Variants in TSBP1 observed in about 807,000 individuals in gnomAD.
The protein encoded by TSBP1 is testis expressed basic protein 1.
TSBP1 carries 56 observed loss-of-function variants against 68.8 expected under a neutral mutation model. The observed-to-expected ratio is 0.81, with a 90% CI of 0.66 to 1.02. The LOEUF is 1.02. Among genes scored for constraint, TSBP1 ranks in the 50% least tolerant of loss-of-function variants. The pLI, the probability that TSBP1 is intolerant of heterozygous loss-of-function variation, is 0.00. For synonymous variants in TSBP1, 171 were observed against 208.7 expected (o/e 0.82, Z 1.56); for missense variants, 502 against 641.2 (o/e 0.78, Z 2.34).
chr6:32,311,956 GC>G (rs752426173), intron 19 of TSBP1, among the ~76,000 whole-genome samples: 3 of 152,156 alleles, frequency 2.0e-5, no homozygotes, highest in Non-Finnish European at 2.9e-5. Context: ...AGTGGGCAGT[GC>G]AAAATACATC....
At chr6:32,355,550 A>G (rs1043702686) in intron 7 of TSBP1, 99 bp downstream of exon 7, 1 of 1,430,498 alleles carries the variant, frequency 7.0e-7, no homozygotes, top group African/African-American at 1.4e-5. Context: ...ATATGACTTG[A>G]CATATGACAG....
rs9268212 is a variant in TSBP1 at position 32,314,112 on chromosome 6, T to C, written c.580+1660A>G. Among the ~76,000 whole-genome samples the C allele has an allele frequency of 0.2, 30,942 of 152,038 alleles. 3,311 individuals are homozygous for C. Among genetic ancestry groups the C allele is most frequent in the Non-Finnish European group, 0.22 (14,613 of 67,964 alleles). On this transcript the variant is annotated intron_variant, in intron 19 of 22. Coordinates refer to ENST00000612031, the Ensembl canonical transcript of TSBP1. This position sits in a 1 kb window ranked among gnomAD's most constrained non-coding sequence, Gnocchi z 4.2. ...TTAGCTTTCCTTTCTTTATATGTGT[T>C]CCTATATTCCATTTCTGCTCCTTGG...
At chr6:32,310,726 A>C (rs1006031030) in intron 19 of TSBP1, among the ~76,000 whole-genome samples, 1 of 144,694 alleles carries the variant, frequency 6.9e-6, no homozygotes, top group South Asian at 2.3e-4. Context: ...TCTTCAAACT[A>C]TCTCTCAAAT....
chr6:32,318,100 A>G (rs1459700604), intron 18 of TSBP1, among the ~76,000 whole-genome samples: 1 of 152,228 alleles, frequency 6.6e-6, no homozygotes, highest in Non-Finnish European at 1.5e-5. Flanking sequence ...CATATACACC[A>G]TGTAATACCA....
chr6:32,356,844 C>T (rs374768567), intron 6 of TSBP1: 1 of 154,388 alleles, frequency 6.5e-6, no homozygotes, highest in Non-Finnish European at 1.5e-5. Flanking sequence ...AACTTTCATG[C>T]GCTGCACTTA....
intron 18 of TSBP1, among the ~76,000 whole-genome samples, chr6:32,317,471 G>A (rs543928): frequency 0.59 from 88,902 of 151,934 alleles, 26,268 homozygotes; most frequent in Middle Eastern, 0.66. Context: ...ATCTAATTGA[G>A]CTAAAGAGCT....
At chr6:32,356,959 G>A (rs1171598255) in intron 6 of TSBP1, 1 of 152,598 alleles carries the variant, frequency 6.6e-6, no homozygotes, top group Non-Finnish European at 1.5e-5. Flanking sequence ...TAAACTTTGA[G>A]TACTAAATTT....
chr6:32,293,270 G>GT lies in TSBP1; in HGVS notation c.1402dup (p.Thr468AsnfsTer10), dbSNP rs1764340570. 1 of 1,608,898 alleles carries GT rather than the reference G, an allele frequency of 6.2e-7. No homozygotes were observed. Among genetic ancestry groups the GT allele is most frequent in the Non-Finnish European group, 8.5e-7 (1 of 1,178,794 alleles). The stretch of plus-strand genomic sequence containing the variant: ...ACTCTTCTTTACTTGGGATTCCAGT[G>GT]TTTCTGGTACACTCACCTCAGTGTT... On this transcript the variant is annotated frameshift_variant, in exon 23 of 23. Transcript: ENST00000612031. LOFTEE classifies it low-confidence loss of function (END_TRUNC).
At chr6:32,367,796 A>C (rs1164870633) in intron 4 of TSBP1, 129 bp downstream of exon 4, 9 of 613,084 alleles carry the variant, frequency 1.5e-5, no homozygotes, top group Non-Finnish European at 2.5e-5. Context: ...AGGAGTGATA[A>C]GCATTTGAAT....
chr6:32,312,177 A>G (rs1042792474), intron 19 of TSBP1, among the ~76,000 whole-genome samples: 1 of 152,216 alleles, frequency 6.6e-6, no homozygotes. Context: ...TGTATTGTAC[A>G]AGACATTTGG....
intron 6 of TSBP1, chr6:32,356,814 C>A (rs1200711061): frequency 6.5e-6 from 1 of 154,290 alleles, no homozygotes; most frequent in Non-Finnish European, 1.5e-5. Context: ...TAATATGCTG[C>A]ACTTGAAATT....
chr6:32,322,988 T>A (rs1288485218), intron 18 of TSBP1, 129 bp downstream of exon 19: 35 of 643,416 alleles, frequency 5.4e-5, no homozygotes, highest in Non-Finnish European at 8.5e-5. Context: ...ATTAGTATTT[T>A]AAAAAAATTA....
chr6:32,350,188 AC>A (rs1180828511), intron 8 of TSBP1: 1 of 474,892 alleles, frequency 2.1e-6, no homozygotes, highest in African/African-American at 2.0e-5. Context: ...TTTTTGTTAC[AC>A]CAAACAATTA....
intron 6 of TSBP1, among the ~76,000 whole-genome samples, chr6:32,359,375 T>C (rs375972297): frequency 0.02 from 3,027 of 152,218 alleles, 86 homozygotes; most frequent in African/African-American, 0.058. Context: ...GTGGTTTTGA[T>C]TTGCATTTCT....
intron 16 of TSBP1, among the ~76,000 whole-genome samples, chr6:32,327,648 CTTTTTCTTTTTT>C (rs1311445522): frequency 1.3e-5 from 1 of 77,144 alleles, no homozygotes; most frequent in Non-Finnish European, 3.3e-5. Flanking sequence ...GTCTAATTTT[CTTTTTCTTTTTT>C]TTTTTCTTTT....
At position 32,361,648 on chromosome 6, in the gene TSBP1, T is replaced by A. The variant is rs1020302840; in HGVS notation, c.217+4519A>T. On this transcript the variant is annotated intron_variant, in intron 6 of 22. Transcript: ENST00000612031. This position sits in a 1 kb window ranked among gnomAD's most constrained non-coding sequence, Gnocchi z 4.3. ...GCCAGTGATGATGAGTATTTTTTCA[T>A]ATGTCTGTTGGCTGCGTAAATGTCT... Among the ~76,000 whole-genome samples the A allele has an allele frequency of 1.4e-5, 2 of 146,952 alleles. No homozygotes were observed. Among genetic ancestry groups the A allele is most frequent in the African/African-American group, 4.9e-5 (2 of 40,894 alleles).
chr6:32,353,241 C>T (rs1771901624), intron 8 of TSBP1, among the ~76,000 whole-genome samples: 1 of 151,846 alleles, frequency 6.6e-6, no homozygotes, highest in Admixed American at 6.6e-5. Context: ...AAGAGCACAG[C>T]AGGGTGGCTA....
intron 20 of TSBP1, among the ~76,000 whole-genome samples, chr6:32,301,797 G>A (rs148778992): frequency 8.5e-4 from 121 of 141,888 alleles, no homozygotes; most frequent in African/African-American, 3.2e-3. Context: ...TACATATGTG[G>A]AGTTAGGGTA....
intron 16 of TSBP1, among the ~76,000 whole-genome samples, chr6:32,329,551 G>A (rs9368712): frequency 0.34 from 50,979 of 151,880 alleles, 9,579 homozygotes; most frequent in Middle Eastern, 0.52. Context: ...TTTAATGGTC[G>A]TAGTGTGGTT....
Sources: allele counts gnomAD v4.1 joint callset (sites outside exome capture counted in the v4.1 genomes callset), GRCh38; gene constraint gnomAD v4.1.1; non-coding constraint Gnocchi (gnomAD v3.1); transcripts MANE v1.5; gene names NCBI Gene and HGNC (gene_info 2026-07-23, HGNC 2026-07-21).